CSMD1: variants seen among roughly 807,000 people sequenced by gnomAD.
CSMD1 encodes CUB and sushi domain-containing protein 1.
A neutral mutation model predicts 417.5 loss-of-function variants in CSMD1; 213 were observed. The ratio of observed to expected loss-of-function variants is 0.51; its 90% CI spans 0.46 to 0.57. CSMD1 has a LOEUF of 0.57. Among genes scored for constraint, CSMD1 ranks in the 20% least tolerant of loss-of-function variants. The pLI is 0.00. For missense variants in CSMD1, 6,923 were observed against 4,529.7 expected (o/e 1.53, Z -15.17); for synonymous variants, 2,862 against 1,736.8 (o/e 1.65, Z -16.11).
At position 3,031,771 on chromosome 8, in the gene CSMD1, C is replaced by G. The variant is rs575968351; in HGVS notation, c.7661-2258G>C. Among the ~76,000 whole-genome samples, 238 of 151,868 alleles carry G rather than the reference C, an allele frequency of 1.6e-3. 3 individuals are homozygous for G. The highest frequency in any genetic ancestry group is 2.4e-3 in the Non-Finnish European group (162 of 67,918). Reference sequence around the variant, plus strand: ...TGATACCATCTACAGTATCAATTTCCAAGTTCTTCATGATGATCTCTTTCT... The same window carrying G: ...TGATACCATCTACAGTATCAATTTCGAAGTTCTTCATGATGATCTCTTTCT... On this transcript the variant is annotated intron_variant, in intron 50 of 69. Transcript: ENST00000635120.
chr8:4,837,761 ATTGT>A (rs1464688456), intron 1 of CSMD1, among the ~76,000 whole-genome samples: 6 of 152,272 alleles, frequency 3.9e-5, no homozygotes, highest in African/African-American at 9.6e-5. Flanking sequence ...GTATAACTAC[ATTGT>A]TTGTAACTCA....
chr8:4,378,869 G>C (rs1802919796), intron 3 of CSMD1, among the ~76,000 whole-genome samples: 1 of 152,140 alleles, frequency 6.6e-6, no homozygotes, highest in Admixed American at 6.6e-5. Flanking sequence ...CAGAGAGTCA[G>C]CCCTTTCTCT....
intron 4 of CSMD1, among the ~76,000 whole-genome samples, chr8:4,017,792 T>G (rs561992850): frequency 7.8e-4 from 119 of 152,296 alleles, no homozygotes; most frequent in African/African-American, 2.7e-3. Flanking sequence ...CTTTGTAATC[T>G]GCATTTGGAA....
rs1409330666 is a variant in CSMD1 at position 4,193,388 on chromosome 8, G to C, written c.416-161289C>G. On this transcript the variant is annotated intron_variant, in intron 3 of 69. Coordinates refer to ENST00000635120, the MANE Select transcript of CSMD1 (RefSeq NM_033225.6). ...GTTTAAATGTACTGAGTATCAAAAT[G>C]AATATTCCTGGGCTTCCAAGTCTGT... Among the ~76,000 whole-genome samples, 2 of 152,184 alleles carry C rather than the reference G, an allele frequency of 1.3e-5. 1 individual carries two copies. The highest frequency in any genetic ancestry group is 1.3e-4 in the Admixed American group (2 of 15,282).
At chr8:4,213,788 G>C (rs1187204100) in intron 3 of CSMD1, among the ~76,000 whole-genome samples, 3 of 152,144 alleles carry the variant, frequency 2.0e-5, no homozygotes, top group Non-Finnish European at 2.9e-5. Context: ...GGTGAGGGTG[G>C]AACGCAAACT....
At chr8:4,556,919 C>T (rs1282471925) in intron 2 of CSMD1, among the ~76,000 whole-genome samples, 1 of 152,146 alleles carries the variant, frequency 6.6e-6, no homozygotes, top group African/African-American at 2.4e-5. Flanking sequence ...AATTCTTGCC[C>T]CAGCATTTCA....
chr8:3,886,536 T>TG (rs1200524495), intron 5 of CSMD1, among the ~76,000 whole-genome samples: 1 of 152,240 alleles, frequency 6.6e-6, no homozygotes, highest in Non-Finnish European at 1.5e-5. Context: ...AAGCAGGCCA[T>TG]GGACAGCACT....
rs6150441 is a variant in CSMD1, at chr8:3,388,896, TACACACACACACACACACACACAC to T, written c.2594-1238_2594-1215del. ...TCTACATACACACCACACACATGCA[TACACACACACACACACACACACAC>T]ACACACACACACACACACACATTCA... On this transcript the variant is annotated intron_variant, in intron 17 of 69. Transcript: ENST00000635120. Among the ~76,000 whole-genome samples, 592 of 147,750 alleles carry T rather than the reference TACACACACACACACACACACACAC, an allele frequency of 4.0e-3. 6 individuals are homozygous for T. Among genetic ancestry groups the T allele is most frequent in the African/African-American group, 0.012 (498 of 40,168 alleles).
chr8:3,428,179 G>A (rs1813979575), intron 12 of CSMD1, among the ~76,000 whole-genome samples: 1 of 152,080 alleles, frequency 6.6e-6, no homozygotes, highest in Non-Finnish European at 1.5e-5. Flanking sequence ...ATATGGTTGG[G>A]GACCTAAAAG....
chr8:3,412,242 A>G (rs1812858502), intron 12 of CSMD1, among the ~76,000 whole-genome samples: 2 of 151,202 alleles, frequency 1.3e-5, no homozygotes, highest in African/African-American at 2.4e-5. Flanking sequence ...TCATTGATTG[A>G]TGGGCATTTG....
At chr8:4,888,099 A>G (rs1803872057) in intron 1 of CSMD1, among the ~76,000 whole-genome samples, 1 of 152,150 alleles carries the variant, frequency 6.6e-6, no homozygotes, top group African/African-American at 2.4e-5. Flanking sequence ...ACATATGTAC[A>G]CTCTTAATTA....
chr8:3,000,279 A>G (rs565369032), intron 52 of CSMD1, 148 bp from the exon 53 acceptor site: 1 of 414,174 alleles, frequency 2.4e-6, no homozygotes, highest in African/African-American at 2.1e-5. Flanking sequence ...ATACTTTTAA[A>G]TATAGTTTTT....
chr8:3,710,033 T>C (rs1434527210), intron 6 of CSMD1, among the ~76,000 whole-genome samples: 1 of 152,058 alleles, frequency 6.6e-6, no homozygotes, highest in African/African-American at 2.4e-5. Context: ...TAGCCCACTC[T>C]TGACCAGATG....
intron 34 of CSMD1, 83 bp downstream of exon 34, chr8:3,189,829 G>C (rs776447738): frequency 7.7e-7 from 1 of 1,292,296 alleles, no homozygotes; most frequent in Non-Finnish European, 1.1e-6. Flanking sequence ...ATGGATTTAC[G>C]TAGCCTGGAT....
chr8:3,025,796 T>C (rs906712926), intron 51 of CSMD1, among the ~76,000 whole-genome samples: 16 of 152,246 alleles, frequency 1.1e-4, no homozygotes, highest in African/African-American at 3.9e-4. Flanking sequence ...GAATCCTTAT[T>C]GTTCATAAAA....
At chr8:3,824,356 T>C (rs1406327916) in intron 5 of CSMD1, among the ~76,000 whole-genome samples, 1 of 152,132 alleles carries the variant, frequency 6.6e-6, no homozygotes, top group Non-Finnish European at 1.5e-5. Flanking sequence ...GCAAAGTTTG[T>C]CAAATGACGG....
intron 26 of CSMD1, among the ~76,000 whole-genome samples, chr8:3,247,718 T>A (rs1799978497): frequency 6.6e-6 from 1 of 152,142 alleles, no homozygotes; most frequent in African/African-American, 2.4e-5. Flanking sequence ...CAGTTGAGAT[T>A]AACATGTGCA....
At chr8:4,387,834 G>C (rs1803558253) in intron 3 of CSMD1, among the ~76,000 whole-genome samples, 1 of 151,978 alleles carries the variant, frequency 6.6e-6, no homozygotes, top group Admixed American at 6.6e-5. Context: ...TCTTTTCATA[G>C]CCACAAATGA....
chr8:3,782,813 G>A (rs1799253615), intron 5 of CSMD1, among the ~76,000 whole-genome samples: 1 of 152,102 alleles, frequency 6.6e-6, no homozygotes, highest in Non-Finnish European at 1.5e-5. Flanking sequence ...TTTATAAGAG[G>A]TTTTTCTAGC....
Sources: gnomAD v4.1 joint callset for allele counts (sites outside exome capture counted in the v4.1 genomes callset) on GRCh38, gnomAD v4.1.1 for gene constraint, MANE v1.5 for transcripts, NCBI Gene and HGNC (gene_info 2026-07-23, HGNC 2026-07-21) for gene names.